GABRB1: variants seen among roughly 807,000 people sequenced by gnomAD.
The protein encoded by GABRB1 is gamma-aminobutyric acid receptor subunit beta-1.
A neutral mutation model predicts 51.6 loss-of-function variants in GABRB1; 17 were observed. That is an observed-to-expected ratio of 0.33 (90% CI 0.23 to 0.49). The LOEUF (loss-of-function observed/expected upper bound fraction) is 0.49. Among genes scored for constraint, GABRB1 ranks in the 20% least tolerant of loss-of-function variants. The probability of loss-of-function intolerance (pLI) is 0.99; values close to 1 mark genes in which losing one functional copy is unlikely to be tolerated. For missense variants in GABRB1, 410 were observed against 600.6 expected (o/e 0.68, Z 3.32); for synonymous variants, 247 against 218.9 (o/e 1.13, Z -1.14).
intron 5 of GABRB1, among the ~76,000 whole-genome samples, chr4:47,387,714 G>A (rs564007701): frequency 2.2e-4 from 33 of 152,110 alleles, no homozygotes; most frequent in Non-Finnish European, 4.7e-4. Flanking sequence ...AGGCATGGGG[G>A]GATCTCATCC....
chr4:47,042,612 TTGAG>T lies in GABRB1; in HGVS notation c.240+10130_240+10133del, dbSNP rs993388264. On this transcript the variant is annotated intron_variant, in intron 3 of 8. Coordinates refer to ENST00000295454, the MANE Select transcript of GABRB1 (RefSeq NM_000812.4). The stretch of plus-strand genomic sequence containing the variant: ...AATAAATTGTTAAAGAATAATTTGA[TTGAG>T]TATTACAAAGTGAATGACATTTAAA... 5.3e-5 allele frequency among the ~76,000 whole-genome samples: 8 copies of T among 151,322 alleles called. No homozygotes were observed. In the South Asian group the frequency reaches 1.0e-3, roughly 20 times the overall value.
chr4:47,262,402 T>G (rs1409122854), intron 4 of GABRB1, among the ~76,000 whole-genome samples: 5 of 152,248 alleles, frequency 3.3e-5, no homozygotes, highest in African/African-American at 9.6e-5. Context: ...CAGACACTTC[T>G]CAAAAGAAGA....
intron 3 of GABRB1, among the ~76,000 whole-genome samples, chr4:47,099,843 C>A (rs1403613601): frequency 2.8e-5 from 4 of 142,784 alleles, no homozygotes; most frequent in East Asian, 2.0e-4. Flanking sequence ...TAAAAAAAAA[C>A]AACCAAACAC....
At chr4:47,228,426 A>G (rs1721025816) in intron 4 of GABRB1, among the ~76,000 whole-genome samples, 1 of 152,098 alleles carries the variant, frequency 6.6e-6, no homozygotes, top group Admixed American at 6.6e-5. Flanking sequence ...CAGAATTGAA[A>G]GAAAAAAAAA....
At chr4:47,106,460 T>C (rs998921036) in intron 3 of GABRB1, among the ~76,000 whole-genome samples, 13 of 152,120 alleles carry the variant, frequency 8.5e-5, no homozygotes, top group African/African-American at 3.1e-4. Flanking sequence ...GTTTACTATA[T>C]AGTTAACTTA....
At chr4:47,393,561 T>C (rs1478879963) in intron 5 of GABRB1, among the ~76,000 whole-genome samples, 2 of 152,242 alleles carry the variant, frequency 1.3e-5, no homozygotes, top group Non-Finnish European at 2.9e-5. Flanking sequence ...GATTTTGTGG[T>C]GTTCATATGG....
intron 4 of GABRB1, among the ~76,000 whole-genome samples, chr4:47,276,261 G>A (rs1723072323): frequency 6.6e-6 from 1 of 152,010 alleles, no homozygotes; most frequent in African/African-American, 2.4e-5. Context: ...AAGGAATAAA[G>A]AGCTCAGAAT....
At chr4:47,348,692 A>G (rs557785100) in intron 5 of GABRB1, among the ~76,000 whole-genome samples, 4 of 152,310 alleles carry the variant, frequency 2.6e-5, no homozygotes, top group African/African-American at 9.6e-5. Flanking sequence ...TCTTTATCCT[A>G]GAATAGTGGA....
At chr4:47,013,661 A>G (rs1724651644) in intron 1 of GABRB1, among the ~76,000 whole-genome samples, 2 of 152,118 alleles carry the variant, frequency 1.3e-5, no homozygotes, top group Non-Finnish European at 2.9e-5. Context: ...ATTCATATCC[A>G]TTGTTCATTC....
chr4:47,020,496 C>T (rs1249170730), intron 1 of GABRB1, among the ~76,000 whole-genome samples: 2 of 152,106 alleles, frequency 1.3e-5, no homozygotes, highest in African/African-American at 4.8e-5. Context: ...AATTGATTTA[C>T]AATGCAAACC....
intron 5 of GABRB1, among the ~76,000 whole-genome samples, chr4:47,331,483 G>A (rs986787159): frequency 6.6e-6 from 1 of 152,096 alleles, no homozygotes; most frequent in Non-Finnish European, 1.5e-5. Context: ...GCAAGCGGCT[G>A]TGTAGATTGA....
At chr4:47,266,013 A>G (rs1162429644) in intron 4 of GABRB1, among the ~76,000 whole-genome samples, 2 of 152,010 alleles carry the variant, frequency 1.3e-5, no homozygotes, top group Non-Finnish European at 2.9e-5. Context: ...TGAATTCTTT[A>G]CTTAGGCCAA....
At chr4:47,089,016 T>C (rs563270296) in intron 3 of GABRB1, among the ~76,000 whole-genome samples, 1 of 152,332 alleles carries the variant, frequency 6.6e-6, no homozygotes, top group South Asian at 2.1e-4. Context: ...TCCCAGGATT[T>C]TTAAAATGTT....
chr4:47,155,296 A>G (rs1163505597), intron 3 of GABRB1, among the ~76,000 whole-genome samples: 1 of 152,074 alleles, frequency 6.6e-6, no homozygotes, highest in Non-Finnish European at 1.5e-5. Flanking sequence ...GCTCAGCTAA[A>G]CTGGCATGAA....
intron 3 of GABRB1, among the ~76,000 whole-genome samples, chr4:47,038,723 T>C (rs909621826): frequency 6.6e-6 from 1 of 152,192 alleles, no homozygotes; most frequent in East Asian, 1.9e-4. Context: ...TCATAGCACC[T>C]TCAAAACACT....
At chr4:47,251,879 G>A (rs867070759) in intron 4 of GABRB1, among the ~76,000 whole-genome samples, 117 of 152,222 alleles carry the variant, frequency 7.7e-4, no homozygotes, top group African/African-American at 2.3e-3. Context: ...GGCAGTGGGC[G>A]AGCCAGACTT....
intron 4 of GABRB1, among the ~76,000 whole-genome samples, chr4:47,303,392 A>C (rs562900191): frequency 3.6e-4 from 54 of 151,766 alleles, no homozygotes; most frequent in East Asian, 1.4e-3. Flanking sequence ...CTCTCTATAT[A>C]TATATATATC....
At chr4:47,173,242 T>A (rs1310354492) in intron 4 of GABRB1, among the ~76,000 whole-genome samples, 1 of 152,174 alleles carries the variant, frequency 6.6e-6, no homozygotes, top group Non-Finnish European at 1.5e-5. Context: ...AATACAAACA[T>A]CTGCTTTGAA....
chr4:47,011,446 A>G (rs534933161), intron 1 of GABRB1, among the ~76,000 whole-genome samples: 1 of 152,250 alleles, frequency 6.6e-6, no homozygotes, highest in African/African-American at 2.4e-5. Flanking sequence ...GCTTGGGGCC[A>G]AAAACTAGGT....
Sources: allele counts gnomAD v4.1 joint callset (sites outside exome capture counted in the v4.1 genomes callset), GRCh38; gene constraint gnomAD v4.1.1; transcripts MANE v1.5; gene names NCBI Gene and HGNC (gene_info 2026-07-23, HGNC 2026-07-21).